Variants in FRMD4B observed in about 807,000 individuals in gnomAD.
The protein encoded by FRMD4B is FERM domain containing 4B.
In FRMD4B, 74 loss-of-function variants were observed where a neutral mutation model predicts 141.5. The ratio of observed to expected loss-of-function variants is 0.52; its 90% confidence interval spans 0.43 to 0.63. The LOEUF (loss-of-function observed/expected upper bound fraction) is 0.63. Ranked by LOEUF, FRMD4B falls within the 30% of genes least tolerant of loss-of-function variation. FRMD4B has a pLI of 0.00. For synonymous variants in FRMD4B, 506 were observed against 467.9 expected, an observed-to-expected ratio of 1.08 and a Z score of -1.05; for missense variants, 1,366 against 1,253.4, an observed-to-expected ratio of 1.09 and a Z score of -1.36.
At chr3:69,325,085 A>AAAG (rs10667404) in intron 1 of FRMD4B, among the ~76,000 whole-genome samples, 4,637 of 79,942 alleles carry the variant, frequency 0.058, 170 homozygotes, top group African/African-American at 0.1. Flanking sequence ...TAAAAAAAAA[A>AAAG]AAAGAAAGAA....
chr3:69,517,810 T>C (rs767361413), intron 1 of FRMD4B, among the ~76,000 whole-genome samples: 1 of 152,192 alleles, frequency 6.6e-6, no homozygotes, highest in Non-Finnish European at 1.5e-5. Context: ...GTTACCTATC[T>C]GGCTCCATTC....
intron 2 of FRMD4B, among the ~76,000 whole-genome samples, chr3:69,422,722 C>A (rs1382283239): frequency 6.6e-6 from 1 of 152,020 alleles, no homozygotes; most frequent in Non-Finnish European, 1.5e-5. Context: ...TCTGTGGACG[C>A]CAAAATTTGA....
At chr3:69,219,249 C>T (rs1157490282) in intron 9 of FRMD4B, among the ~76,000 whole-genome samples, 1 of 151,656 alleles carries the variant, frequency 6.6e-6, no homozygotes, top group East Asian at 1.9e-4. Context: ...GTTTATTGTA[C>T]ACCTTTAAGG....
At chr3:69,494,860 C>T (rs544540231) in intron 1 of FRMD4B, among the ~76,000 whole-genome samples, 4 of 151,266 alleles carry the variant, frequency 2.6e-5, no homozygotes, top group African/African-American at 9.7e-5. Context: ...CCACTGCACT[C>T]CAGCATGGGC....
intron 11 of FRMD4B, among the ~76,000 whole-genome samples, chr3:69,200,133 C>T (rs1225466694): frequency 6.6e-6 from 1 of 152,172 alleles, no homozygotes; most frequent in Non-Finnish European, 1.5e-5. Context: ...TACGGGAACC[C>T]AGGCTTTTCA....
chr3:69,363,158 C>T lies in FRMD4B; in HGVS notation c.162+22670G>A, dbSNP rs536613432. On this transcript the variant is annotated intron_variant, in intron 1 of 22. Coordinates refer to ENST00000398540, the MANE Select transcript of FRMD4B (RefSeq NM_015123.3). ...TTTTCCACCCGGCCCATTCTTCTTA[C>T]GTAACATTCCCTCATGGTTGCAATA... Among the ~76,000 whole-genome samples the T allele has an allele frequency of 1.9e-4, 29 of 151,818 alleles. No homozygotes were observed. The East Asian group carries it at 1.9e-3, about 10-fold the overall frequency.
intron 1 of FRMD4B, among the ~76,000 whole-genome samples, chr3:69,505,371 C>T (rs1006725103): frequency 2.0e-5 from 3 of 151,836 alleles, no homozygotes; most frequent in Admixed American, 2.0e-4. Context: ...GAGCAAGACC[C>T]TATCTCAAAA....
intron 1 of FRMD4B, among the ~76,000 whole-genome samples, chr3:69,364,198 T>G (rs1472473147): frequency 6.6e-6 from 1 of 152,220 alleles, no homozygotes; most frequent in Non-Finnish European, 1.5e-5. Flanking sequence ...GCGACTATCT[T>G]GCCTGTCCCA....
chr3:69,182,206 G>C (rs1190275316), intron 20 of FRMD4B, among the ~76,000 whole-genome samples: 2 of 152,096 alleles, frequency 1.3e-5, no homozygotes, highest in Non-Finnish European at 2.9e-5. Context: ...TCCTTTGTAA[G>C]ATGAGGATGA....
At chr3:69,430,579 A>G (rs748118816) in intron 2 of FRMD4B, among the ~76,000 whole-genome samples, 1 of 152,196 alleles carries the variant, frequency 6.6e-6, no homozygotes, top group African/African-American at 2.4e-5. Context: ...CTGGACCAGG[A>G]TCCCAGAATA....
chr3:69,373,622 C>T (rs1200633542), intron 1 of FRMD4B, among the ~76,000 whole-genome samples: 14 of 152,134 alleles, frequency 9.2e-5, no homozygotes, highest in Non-Finnish European at 5.9e-5. Context: ...CCTGTAATCC[C>T]AGCACTTTGA....
At chr3:69,483,904 C>G (rs939798292) in intron 1 of FRMD4B, among the ~76,000 whole-genome samples, 7 of 152,080 alleles carry the variant, frequency 4.6e-5, no homozygotes, top group Non-Finnish European at 8.8e-5. Context: ...AAACCAGAAC[C>G]CTGCTCAGTG....
At position 69,481,009 on chromosome 3, in the gene FRMD4B, C is replaced by T. The variant is rs187183873; in HGVS notation, c.-128-48248G>A. On this transcript the variant is annotated intron_variant, in intron 1 of 5. Transcript: ENST00000459638. ...GAGACTCCGTGGGCTTAGGACCCTCCGAGCCATGTGCGGGATATAATCTCC... is the reference window on the plus strand; with the variant it reads ...GAGACTCCGTGGGCTTAGGACCCTCTGAGCCATGTGCGGGATATAATCTCC... Among the ~76,000 whole-genome samples, 726 of 152,310 alleles carry T rather than the reference C, an allele frequency of 4.8e-3. 25 individuals are homozygous for T. The East Asian group carries it at 0.097, about 20-fold the overall frequency.
At chr3:69,433,325 C>G (rs540574118) in intron 1 of FRMD4B, among the ~76,000 whole-genome samples, 5 of 152,294 alleles carry the variant, frequency 3.3e-5, no homozygotes, top group Non-Finnish European at 5.9e-5. Context: ...GAAAAGAAAA[C>G]AGCTTTTCCC....
intron 1 of FRMD4B, among the ~76,000 whole-genome samples, chr3:69,328,244 C>T (rs1217795046): frequency 6.6e-6 from 1 of 152,140 alleles, no homozygotes; most frequent in Non-Finnish European, 1.5e-5. Context: ...CTTCACTTTC[C>T]AATTGTTTTA....
chr3:69,471,341 T>G (rs186725932), intron 1 of FRMD4B: 24 of 185,354 alleles, frequency 1.3e-4, no homozygotes, highest in Admixed American at 1.0e-3. Flanking sequence ...TGAAGGGTGA[T>G]CATAAGGATT....
chr3:69,203,689 A>T (rs573168403), intron 11 of FRMD4B, among the ~76,000 whole-genome samples: 1 of 152,314 alleles, frequency 6.6e-6, no homozygotes, highest in East Asian at 1.9e-4. Flanking sequence ...ACCAACACCC[A>T]CCTCAGAGAG....
chr3:69,438,277 A>C (rs73109498), intron 1 of FRMD4B, among the ~76,000 whole-genome samples: 1 of 151,064 alleles, frequency 6.6e-6, no homozygotes, highest in Non-Finnish European at 1.5e-5. Flanking sequence ...GGTAACTTTT[A>C]ATTTTTTTTG....
rs191632937 is a variant in FRMD4B at position 69,500,417 on chromosome 3, C to T, written c.-129+41789G>A. Reference sequence around the variant, plus strand: ...GAACTCATTGCATTGAGTGGGTCATCCTTATTCCTTGACACTTGGTAAAGT... The same window carrying T: ...GAACTCATTGCATTGAGTGGGTCATTCTTATTCCTTGACACTTGGTAAAGT... On this transcript the variant is annotated intron_variant, in intron 1 of 5. Transcript: ENST00000459638. Among the ~76,000 whole-genome samples the T allele has an allele frequency of 1.6e-3, 251 of 152,234 alleles. 1 individual carries two copies. The highest frequency in any genetic ancestry group is 5.8e-3 in the African/African-American group (240 of 41,544).
Sources: allele counts gnomAD v4.1 joint callset (sites outside exome capture counted in the v4.1 genomes callset), GRCh38; gene constraint gnomAD v4.1.1; transcripts MANE v1.5; gene names NCBI Gene and HGNC (gene_info 2026-07-23, HGNC 2026-07-21).